PABPC4L: variants seen among roughly 807,000 people sequenced by gnomAD.
The protein encoded by PABPC4L is poly(A) binding protein cytoplasmic 4 like, also known as polyadenylate-binding protein 4-like.
For synonymous variants in PABPC4L, 169 were observed against 164.1 expected, an observed-to-expected ratio of 1.03 and a Z score of -0.23; for missense variants, 452 against 451.4, an observed-to-expected ratio of 1.00 and a Z score of -0.01.
chr4:133,990,347 T>C, the PABPC4L span, among the ~76,000 whole-genome samples: 5 of 152,290 alleles, frequency 3.3e-5, no homozygotes, highest in African/African-American at 9.6e-5. Flanking sequence ...TCAGTGATCA[T>C]TGATGTTTCT....
chr4:134,163,437 G>C, the PABPC4L span, among the ~76,000 whole-genome samples: 1 of 151,962 alleles, frequency 6.6e-6, no homozygotes, highest in South Asian at 2.1e-4. Flanking sequence ...TCAAATAATT[G>C]GTATGAATCC....
At chr4:134,023,064 G>A in the PABPC4L span, among the ~76,000 whole-genome samples, 1 of 151,974 alleles carries the variant, frequency 6.6e-6, no homozygotes, top group African/African-American at 2.4e-5. Context: ...TTGCAACAAT[G>A]CCCAACACTG....
chr4:133,974,397 T>A, the PABPC4L span, among the ~76,000 whole-genome samples: 2 of 152,066 alleles, frequency 1.3e-5, no homozygotes, highest in Non-Finnish European at 2.9e-5. Context: ...AAACTAAGAA[T>A]TTTAAATTAT....
At chr4:133,981,162 GA>G in the PABPC4L span, among the ~76,000 whole-genome samples, 144 of 145,508 alleles carry the variant, frequency 9.9e-4, 1 homozygote, top group East Asian at 1.8e-3. Flanking sequence ...CTCCACTGGG[GA>G]AAAAAAAAAA....
At chr4:133,975,003 C>T in the PABPC4L span, among the ~76,000 whole-genome samples, 1 of 151,936 alleles carries the variant, frequency 6.6e-6, no homozygotes, top group Non-Finnish European at 1.5e-5. Flanking sequence ...AGGTGTATAC[C>T]CAGGAAAATT....
the PABPC4L span, among the ~76,000 whole-genome samples, chr4:134,171,833 C>A: frequency 4.6e-5 from 7 of 152,178 alleles, no homozygotes; most frequent in East Asian, 1.4e-3. Flanking sequence ...GATACAAAGT[C>A]AATGTACAAA....
the PABPC4L span, among the ~76,000 whole-genome samples, chr4:133,964,656 G>T: frequency 6.6e-6 from 1 of 152,048 alleles, no homozygotes; most frequent in East Asian, 1.9e-4. Flanking sequence ...ATGCAGGGAT[G>T]GTTCACATAT....
the PABPC4L span, among the ~76,000 whole-genome samples, chr4:134,054,844 T>C: frequency 6.6e-6 from 1 of 151,990 alleles, no homozygotes; most frequent in Non-Finnish European, 1.5e-5. Flanking sequence ...CATGTACAGG[T>C]TTTTGTGTGA....
At chr4:133,960,196 A>G in the PABPC4L span, among the ~76,000 whole-genome samples, 1 of 152,186 alleles carries the variant, frequency 6.6e-6, no homozygotes, top group East Asian at 1.9e-4. Context: ...GACTCTCTGA[A>G]GGAAGCAGAC....
the PABPC4L span, among the ~76,000 whole-genome samples, chr4:134,176,681 GA>G: frequency 6.6e-6 from 1 of 152,006 alleles, no homozygotes; most frequent in African/African-American, 2.4e-5. Context: ...GCAGCAGGGG[GA>G]CACAGAACAG....
the PABPC4L span, among the ~76,000 whole-genome samples, chr4:133,999,377 C>A: frequency 6.6e-6 from 1 of 152,088 alleles, no homozygotes; most frequent in Non-Finnish European, 1.5e-5. Flanking sequence ...GATTCCAATG[C>A]AGCCCTGGCT....
chr4:134,191,715 G>A (rs1359621054), downstream of PABPC4L, among the ~76,000 whole-genome samples: 1 of 151,922 alleles, frequency 6.6e-6, no homozygotes, highest in Non-Finnish European at 1.5e-5. Flanking sequence ...CAACATATTG[G>A]TTGACCCTAA....
At chr4:134,103,080 C>T in the PABPC4L span, among the ~76,000 whole-genome samples, 1 of 151,402 alleles carries the variant, frequency 6.6e-6, no homozygotes, top group Non-Finnish European at 1.5e-5. Flanking sequence ...GGCATTTGGC[C>T]AGGTGTGGGC....
chr4:134,032,705 C>T, the PABPC4L span, among the ~76,000 whole-genome samples: 2 of 151,842 alleles, frequency 1.3e-5, no homozygotes, highest in South Asian at 2.1e-4. Flanking sequence ...ACTTAATAAA[C>T]ATGGGTTACA....
rs1416348324 is a variant in PABPC4L at position 134,199,971 on chromosome 4, G to A, written c.1049C>T (p.Thr350Ile). 1.3e-6 allele frequency: 2 copies of A among 1,551,612 alleles called. No homozygotes were observed. The highest frequency in any genetic ancestry group is 2.4e-5 in the East Asian group (1 of 40,900). Residue 350 changes from threonine to isoleucine, a missense_variant, in exon 2 of 2, where the codon ACT (threonine) becomes ATT (isoleucine). Physicochemically the swap from Thr to Ile is moderately conservative, Grantham distance 89. Coordinates refer to ENST00000421491, the MANE Select transcript of PABPC4L (RefSeq NM_001114734.2). The part of the protein sequence containing the change: ...SSPEDATKAM[T>I]EMNGRILGSK... ...GCCCAAGATGCGGCCATTCATCTCA[G>A]TCATTGCTTTAGTAGCATCCTCAGG...
the PABPC4L span, among the ~76,000 whole-genome samples, chr4:134,014,625 T>G: frequency 6.6e-6 from 1 of 152,002 alleles, no homozygotes; most frequent in Admixed American, 6.6e-5. Context: ...TTCCCAGATC[T>G]TCTCGGCTTA....
chr4:134,054,310 T>C, the PABPC4L span, among the ~76,000 whole-genome samples: 1 of 143,994 alleles, frequency 6.9e-6, no homozygotes, highest in African/African-American at 2.5e-5. Flanking sequence ...GTAGTTTTGA[T>C]TGCAATTCTG....
chr4:134,108,703 T>C, the PABPC4L span, among the ~76,000 whole-genome samples: 1 of 151,876 alleles, frequency 6.6e-6, no homozygotes, highest in Non-Finnish European at 1.5e-5. Flanking sequence ...TTTCAGAGGT[T>C]TCTGGGTCTC....
At chr4:133,993,954 G>C in the PABPC4L span, among the ~76,000 whole-genome samples, 2 of 152,122 alleles carry the variant, frequency 1.3e-5, no homozygotes, top group Admixed American at 6.5e-5. Flanking sequence ...AATAAACAGA[G>C]TAAGCAGAGT....
Sources: gnomAD v4.1 joint callset for allele counts (sites outside exome capture counted in the v4.1 genomes callset) on GRCh38, gnomAD v4.1.1 for gene constraint, MANE v1.5 for transcripts, NCBI Gene and HGNC (gene_info 2026-07-23, HGNC 2026-07-21) for gene names.